The following ARMH4 variants were observed in gnomAD, a reference collection of about 807,000 sequenced individuals.
The protein encoded by ARMH4 is armadillo-like helical domain-containing protein 4.
ARMH4 carries 49 observed loss-of-function variants against 61.9 expected under a neutral mutation model. That is an observed-to-expected ratio of 0.79 (90% confidence interval 0.63 to 1.00). The LOEUF is 1.00. Ranked by LOEUF, ARMH4 falls within the 50% of genes least tolerant of loss-of-function variation. The pLI, the probability that ARMH4 is intolerant of heterozygous loss-of-function variation, is 0.00. For missense variants in ARMH4, 934 were observed against 930.0 expected (o/e 1.00, Z -0.06); for synonymous variants, 368 against 341.5 (o/e 1.08, Z -0.85).
chr14:58,090,575 T>TTAAGAGAGAG (rs1885522349), intron 5 of ARMH4, among the ~76,000 whole-genome samples: 1 of 151,984 alleles, frequency 6.6e-6, no homozygotes, highest in Non-Finnish European at 1.5e-5. Context: ...AGGCTGCCTC[T>TTAAGAGAGAG]CTCTTAAGAA....
chr14:58,146,704 A>G (rs577433404), intron 1 of ARMH4, among the ~76,000 whole-genome samples: 7 of 152,268 alleles, frequency 4.6e-5, no homozygotes, highest in Non-Finnish European at 8.8e-5. Flanking sequence ...CATAAAAAAT[A>G]CCAGCCTTGG....
At chr14:58,110,291 TCTAA>T (rs1315376928) in intron 4 of ARMH4, among the ~76,000 whole-genome samples, 2 of 151,636 alleles carry the variant, frequency 1.3e-5, no homozygotes, top group Admixed American at 6.5e-5. Context: ...AGTGACTAAA[TCTAA>T]CTAACATATG....
chr14:58,148,569 T>G (rs1200562918), intron 1 of ARMH4, among the ~76,000 whole-genome samples: 1 of 152,202 alleles, frequency 6.6e-6, no homozygotes, highest in Non-Finnish European at 1.5e-5. Flanking sequence ...TGCCACATAA[T>G]TAGTAATAAG....
chr14:58,038,370 G>A (rs1361188393), intron 5 of ARMH4, among the ~76,000 whole-genome samples: 2 of 110,036 alleles, frequency 1.8e-5, no homozygotes, highest in African/African-American at 6.7e-5. Flanking sequence ...CATGGACACA[G>A]GAAGGGGAAT....
chr14:58,097,436 T>C (rs1332649788), intron 4 of ARMH4, among the ~76,000 whole-genome samples: 1 of 152,200 alleles, frequency 6.6e-6, no homozygotes, highest in African/African-American at 2.4e-5. Context: ...TTTCTATTCA[T>C]CCACATCAGT....
At position 58,139,117 on chromosome 14, in the gene ARMH4, G is replaced by A; in HGVS notation, c.242C>T (p.Pro81Leu). The A allele has an allele frequency of 3.1e-6, 5 of 1,614,210 alleles. No homozygotes were observed. Among genetic ancestry groups the A allele is most frequent in the Non-Finnish European group, 4.2e-6 (5 of 1,180,044 alleles). ...SEDPMMMSAV[P>L]SATSLNKAFS... ...TGCTTTATTTAATGATGTTGCCGAT[G>A]GTACTGCTGACATCATCATTGGATC... is the stretch of plus-strand genomic sequence containing the variant. The change falls in exon 2 of 8, where the codon CCA becomes CTA. Residue 81 changes from proline (P) to leucine (L), a missense_variant. Physicochemically the swap from Pro to Leu is moderately conservative, Grantham distance 98. Transcript: ENST00000267485.
At chr14:58,118,460 G>C (rs1886605284) in intron 4 of ARMH4, among the ~76,000 whole-genome samples, 1 of 142,072 alleles carries the variant, frequency 7.0e-6, no homozygotes, top group African/African-American at 2.6e-5. Flanking sequence ...TTGGTGGTGA[G>C]CCCTAGGAGA....
intron 4 of ARMH4, among the ~76,000 whole-genome samples, chr14:58,099,346 A>G (rs1885875206): frequency 6.6e-6 from 1 of 152,210 alleles, no homozygotes; most frequent in Admixed American, 6.5e-5. Context: ...CAGCAGAGGA[A>G]GATCCACACA....
intron 5 of ARMH4, among the ~76,000 whole-genome samples, chr14:58,072,824 G>T (rs777822591): frequency 5.9e-5 from 9 of 152,132 alleles, no homozygotes; most frequent in Non-Finnish European, 1.0e-4. Context: ...TTTGCTGATG[G>T]TAGGTGGTGC....
chr14:58,105,880 T>C (rs984638305), intron 4 of ARMH4, among the ~76,000 whole-genome samples: 3 of 152,182 alleles, frequency 2.0e-5, no homozygotes, highest in African/African-American at 7.2e-5. Context: ...AAGTTCCTTC[T>C]AGTCATGTTA....
chr14:58,020,656 A>C (rs1015770780), intron 5 of ARMH4, among the ~76,000 whole-genome samples: 2 of 152,068 alleles, frequency 1.3e-5, no homozygotes, highest in Admixed American at 1.3e-4. Flanking sequence ...AATAAACTGG[A>C]TCTCTTAGTT....
chr14:58,105,573 G>A lies in ARMH4; in HGVS notation c.1832-8592C>T, dbSNP rs150336384. 6.9e-3 allele frequency among the ~76,000 whole-genome samples: 1,043 copies of A among 152,012 alleles called. 10 individuals are homozygous for A. The highest frequency in any genetic ancestry group is 0.024 in the African/African-American group (994 of 41,454). On this transcript the variant is annotated intron_variant, in intron 4 of 7. Transcript: ENST00000267485. ...ATGGTGGCACATGCCTGTAGTCCCA[G>A]CTACTCAAGAAGCTGAGGCAGGAGA... is the stretch of plus-strand genomic sequence containing the variant.
intron 5 of ARMH4, among the ~76,000 whole-genome samples, chr14:58,016,450 A>C (rs1223316228): frequency 2.6e-5 from 4 of 152,206 alleles, no homozygotes; most frequent in Admixed American, 2.6e-4. Flanking sequence ...TAACTGAATT[A>C]ATCAATTCAG....
At chr14:58,007,854 A>G (rs1267819987) in intron 6 of ARMH4, among the ~76,000 whole-genome samples, 5 of 152,244 alleles carry the variant, frequency 3.3e-5, no homozygotes, top group Non-Finnish European at 7.3e-5. Flanking sequence ...GAATCTAATC[A>G]TGAGAAAACA....
chr14:58,129,745 T>C (rs1470038240), intron 4 of ARMH4, among the ~76,000 whole-genome samples: 1 of 152,214 alleles, frequency 6.6e-6, no homozygotes. Flanking sequence ...TATTAACGTA[T>C]ACTAATTAAA....
At chr14:58,077,416 CAACA>C (rs1208924551) in intron 5 of ARMH4, among the ~76,000 whole-genome samples, 1 of 152,122 alleles carries the variant, frequency 6.6e-6, no homozygotes, top group African/African-American at 2.4e-5. Flanking sequence ...CCAGCCTAGG[CAACA>C]TGGTGAGACC....
At chr14:58,013,860 C>A (rs1237124945) in intron 5 of ARMH4, among the ~76,000 whole-genome samples, 1 of 151,950 alleles carries the variant, frequency 6.6e-6, no homozygotes, top group Non-Finnish European at 1.5e-5. Context: ...CCCGTCTCTA[C>A]TAAAAATACA....
chr14:58,076,758 C>T (rs1416733085), intron 5 of ARMH4, among the ~76,000 whole-genome samples: 1 of 152,106 alleles, frequency 6.6e-6, no homozygotes, highest in Non-Finnish European at 1.5e-5. Context: ...ACTAGGGCCA[C>T]CACCTGATGA....
intron 4 of ARMH4, among the ~76,000 whole-genome samples, chr14:58,108,648 C>T (rs746398291): frequency 6.6e-6 from 1 of 152,110 alleles, no homozygotes; most frequent in Non-Finnish European, 1.5e-5. Context: ...AGGAAGATTT[C>T]GGGTATTTGG....
Sources: gnomAD v4.1 joint callset for allele counts (sites outside exome capture counted in the v4.1 genomes callset) on GRCh38, gnomAD v4.1.1 for gene constraint, MANE v1.5 for transcripts, NCBI Gene and HGNC (gene_info 2026-07-23, HGNC 2026-07-21) for gene names.